CORO7: variants seen among roughly 807,000 people sequenced by gnomAD.
CORO7 encodes the protein coronin 7, also known as coronin-7.
A neutral mutation model predicts 126.6 loss-of-function variants in CORO7; 107 were observed. The observed-to-expected ratio is 0.85, with a 90% CI of 0.72 to 0.99. CORO7 has a LOEUF of 0.99. CORO7 is among the 50% of genes least tolerant of loss of function. CORO7 has a pLI of 0.00. For missense variants in CORO7, 1,314 were observed against 1,255.8 expected (o/e 1.05, Z -0.70); for synonymous variants, 603 against 536.8 (o/e 1.12, Z -1.70).
intron 7 of CORO7, among the ~76,000 whole-genome samples, chr16:4,389,470 C>A (rs1454981179): frequency 2.0e-5 from 3 of 152,208 alleles, no homozygotes; most frequent in Non-Finnish European, 4.4e-5. Context: ...GAACTTCCCA[C>A]GATCTCCTTG....
At chr16:4,376,592 T>A (rs1446621260) in intron 9 of CORO7, among the ~76,000 whole-genome samples, 1 of 152,180 alleles carries the variant, frequency 6.6e-6, no homozygotes, top group African/African-American at 2.4e-5. Context: ...GGTCACCAGA[T>A]GCCTGGGTCC....
At chr16:4,387,129 G>A (rs1372876336) in intron 9 of CORO7, among the ~76,000 whole-genome samples, 1 of 152,182 alleles carries the variant, frequency 6.6e-6, no homozygotes, top group African/African-American at 2.4e-5. Flanking sequence ...GAAGGCGGAT[G>A]GAGTCCCTGT....
chr16:4,381,421 C>T (rs550476829), intron 9 of CORO7: 2 of 1,583,282 alleles, frequency 1.3e-6, no homozygotes, highest in Admixed American at 1.8e-5. Context: ...CAACAGCCTC[C>T]TGGCCCTGGA....
intron 5 of CORO7, 67 bp downstream of exon 5, chr16:4,407,434 A>G (rs962879635): frequency 5.9e-6 from 9 of 1,516,636 alleles, no homozygotes; most frequent in Non-Finnish European, 7.1e-6. Context: ...TAAACATGCC[A>G]ACAAAGAAAC....
At chr16:4,377,473 G>T (rs937853757) in intron 9 of CORO7, among the ~76,000 whole-genome samples, 1 of 152,140 alleles carries the variant, frequency 6.6e-6, no homozygotes, top group African/African-American at 2.4e-5. Context: ...CTTGTTAAAA[G>T]AACTTCCCCA....
rs780546383 is a variant in CORO7 at position 4,362,784 on chromosome 16, G to C, written c.1276-46C>G. 56 of 1,297,046 alleles carry C rather than the reference G, an allele frequency of 4.3e-5. No homozygotes were observed. The highest frequency in any genetic ancestry group is 5.2e-5 in the Non-Finnish European group (53 of 1,018,924). The allele number at this position is 1,297,046 out of a possible 1,614,324, so 80.3% of individuals were successfully genotyped here. On this transcript the variant is annotated intron_variant, in intron 14 of 27. Transcript: ENST00000251166. The surrounding 1 kb of genome is among the most constrained non-coding windows in gnomAD (Gnocchi z 5.3). Reference sequence around the variant, plus strand: ...AGCCAGCCTGCTCCTAGGTGTACTGGCCAAAAGGAGGGGGTGCCAGCGGAC... The same window carrying C: ...AGCCAGCCTGCTCCTAGGTGTACTGCCCAAAAGGAGGGGGTGCCAGCGGAC...
chr16:4,362,688 G>A lies in CORO7; in HGVS notation c.1326C>T (p.Ser442=), dbSNP rs267604548. 3.4e-6 allele frequency: 5 copies of A among 1,473,432 alleles called. No individual in the cohort carries two copies. The South Asian group carries it at 4.2e-5, about 12-fold the overall frequency. 91.3% of individuals were successfully genotyped at this position (1,473,432 alleles called of 1,614,324 possible). A position where few individuals can be genotyped will look rare whatever the true frequency, so the allele number is the denominator to read the frequency against. Reference sequence around the variant, plus strand: ...TGCTGGAGAGTGAGGGCCCCAGGCTGGAGGGCGTGGAGGGCGAGGTCAGCG... The same window carrying A: ...TGCTGGAGAGTGAGGGCCCCAGGCTAGAGGGCGTGGAGGGCGAGGTCAGCG... The part of the protein sequence containing the change: ...PSSLTSPSTP[S]SLGPSLSSTS... Residue 442 remains serine (S), a synonymous_variant, in exon 15 of 28, where the codon TCC becomes TCT. Coordinates refer to ENST00000251166, the MANE Select transcript of CORO7 (RefSeq NM_024535.5). The surrounding 1 kb of genome is among the most constrained non-coding windows in gnomAD (Gnocchi z 5.3).
chr16:4,357,031 C>A (rs1453541737), intron 26 of CORO7, 137 bp downstream of exon 26: 5 of 1,191,624 alleles, frequency 4.2e-6, no homozygotes, highest in Non-Finnish European at 6.0e-6. Flanking sequence ...AAGGTCTCCC[C>A]ACCAGGCTCT....
In CORO7 at chr16:4,362,852, C is replaced by T. The variant is rs2054227191; in HGVS notation, c.1276-114G>A. The T allele has an allele frequency of 1.6e-6, 2 of 1,223,480 alleles. No homozygotes were observed. The highest frequency in any genetic ancestry group is 2.1e-6 in the Non-Finnish European group (2 of 970,314). The allele number at this position is 1,223,480 out of a possible 1,614,324, so 75.8% of individuals were successfully genotyped here. On this transcript the variant is annotated intron_variant, in intron 14 of 27. Transcript: ENST00000251166. The surrounding 1 kb of genome is among the most constrained non-coding windows in gnomAD (Gnocchi z 5.3). ...GGGCCCCCTGCGGACTGGAGGAGCCCCCACTGTGGGCATGCGACAGGAGCG... is the reference window on the plus strand; with the variant it reads ...GGGCCCCCTGCGGACTGGAGGAGCCTCCACTGTGGGCATGCGACAGGAGCG...
intron 9 of CORO7, among the ~76,000 whole-genome samples, chr16:4,384,982 G>T (rs993660800): frequency 4.3e-4 from 66 of 152,284 alleles, no homozygotes; most frequent in African/African-American, 1.6e-3. Flanking sequence ...GTGGCGGGGG[G>T]GTGGCAGGGC....
intron 6 of CORO7, among the ~76,000 whole-genome samples, chr16:4,402,570 G>C (rs990538093): frequency 2.0e-5 from 3 of 152,178 alleles, no homozygotes; most frequent in Admixed American, 6.5e-5. Flanking sequence ...TGAACTGTGA[G>C]GATGCGGACA....
chr16:4,385,699 T>G (rs1377649047), intron 9 of CORO7, among the ~76,000 whole-genome samples: 1 of 152,208 alleles, frequency 6.6e-6, no homozygotes, highest in Non-Finnish European at 1.5e-5. Context: ...TCCCAGCCCC[T>G]GCTCCTCTCA....
chr16:4,415,716 A>G (rs1452046875), intron 1 of CORO7: 1 of 985,384 alleles, frequency 1.0e-6, no homozygotes, highest in Non-Finnish European at 1.2e-6. Context: ...AGGCCTTACA[A>G]ATAACACGGA....
intron 6 of CORO7, among the ~76,000 whole-genome samples, chr16:4,400,602 C>T (rs748023258): frequency 9.9e-5 from 15 of 151,982 alleles, no homozygotes; most frequent in Non-Finnish European, 2.2e-4. Context: ...CATTGCGCTC[C>T]AGCCTGGGCA....
chr16:4,385,594 G>A lies in CORO7; in HGVS notation c.785+2392C>T, dbSNP rs151304517. 9.9e-4 allele frequency among the ~76,000 whole-genome samples: 150 copies of A among 152,278 alleles called. 1 individual carries two copies. The highest frequency in any genetic ancestry group is 8.7e-3 in the South Asian group (42 of 4,828). On this transcript the variant is annotated intron_variant, in intron 9 of 27. Transcript: ENST00000251166. Reference sequence around the variant, plus strand: ...CGTTATCCCCCCACCTCCACCCTGCGCCAAGCATGGTACCAAGCACACAAA... The same window carrying A: ...CGTTATCCCCCCACCTCCACCCTGCACCAAGCATGGTACCAAGCACACAAA...
chr16:4,404,560 C>T (rs747353514), intron 6 of CORO7, among the ~76,000 whole-genome samples: 8 of 152,198 alleles, frequency 5.3e-5, no homozygotes, highest in Non-Finnish European at 8.8e-5. Context: ...CTCCAGGTAC[C>T]GCCGGCAGCT....
At chr16:4,357,490 G>C in intron 25 of CORO7, 1 of 478,392 alleles carries the variant, frequency 2.1e-6, no homozygotes, top group Non-Finnish European at 3.6e-6. Flanking sequence ...CTCTGGAGTA[G>C]TTGGGATTGC....
chr16:4,375,367 G>C (rs987218011), intron 9 of CORO7, among the ~76,000 whole-genome samples: 1 of 152,236 alleles, frequency 6.6e-6, no homozygotes, highest in African/African-American at 2.4e-5. Context: ...ACAGGAAGAC[G>C]AGCTGACATC....
intron 7 of CORO7, among the ~76,000 whole-genome samples, chr16:4,390,101 G>A (rs2055335410): frequency 1.3e-5 from 2 of 152,198 alleles, no homozygotes; most frequent in South Asian, 4.1e-4. Context: ...CGGGGAGGTA[G>A]ATGTAGGCCA....
Sources: gnomAD v4.1 joint callset for allele counts (sites outside exome capture counted in the v4.1 genomes callset) on GRCh38, gnomAD v4.1.1 for gene constraint, Gnocchi (gnomAD v3.1) non-coding constraint, MANE v1.5 for transcripts, NCBI Gene and HGNC (gene_info 2026-07-23, HGNC 2026-07-21) for gene names.